The following UNC45A variants were observed in gnomAD, a reference collection of about 807,000 sequenced individuals.
UNC45A encodes protein unc-45 homolog A.
A neutral mutation model predicts 103.2 loss-of-function variants in UNC45A; 78 were observed. That is an observed-to-expected ratio of 0.76 (90% CI 0.63 to 0.91). The LOEUF is 0.91. Among genes scored for constraint, UNC45A ranks in the 40% least tolerant of loss-of-function variants. The probability of loss-of-function intolerance (pLI) is 0.00; values close to 1 mark genes in which losing one functional copy is unlikely to be tolerated. For synonymous variants in UNC45A, 495 were observed against 504.6 expected (o/e 0.98, Z 0.25); for missense variants, 1,193 against 1,224.8 (o/e 0.97, Z 0.39).
rs143009288 is a variant in UNC45A at position 90,936,323 on chromosome 15, C to T, written c.289C>T (p.Arg97Trp). The T allele has an allele frequency of 2.0e-5, 32 of 1,614,022 alleles. No individual in the cohort carries two copies. Among genetic ancestry groups the T allele is most frequent in the African/African-American group, 9.3e-5 (7 of 75,036 alleles). Residue 97 changes from arginine to tryptophan, a missense_variant, in exon 4 of 20, where the codon CGG (arginine) becomes TGG (tryptophan). Transcript: ENST00000418476. ...TGGTGGGGATGTCAAAGCACTCTAC[C>T]GGCGGAGCCAAGCCCTAGAGAAGCT... is the stretch of plus-strand genomic sequence containing the variant. ...KDGGDVKALY[R>W]RSQALEKLGR...
chr15:90,935,129 C>G (rs1352992652), upstream of UNC45A: 11 of 614,990 alleles, frequency 1.8e-5, no homozygotes, highest in Non-Finnish European at 2.0e-5. Context: ...TAGGTGCGCC[C>G]GGAGCTTGCC....
chr15:90,932,140 G>C (rs2035820739), upstream of UNC45A: 1 of 1,568,200 alleles, frequency 6.4e-7, no homozygotes. Context: ...CAGGAAGTCA[G>C]GTCGGAGGTA....
At chr15:90,932,897 G>A (rs77369465), upstream of UNC45A, 934 of 228,312 alleles carry the variant, frequency 4.1e-3, 15 homozygotes, top group African/African-American at 0.02. Flanking sequence ...GACTATGGGA[G>A]CGGGAAGAAA....
intron 17 of UNC45A, among the ~76,000 whole-genome samples, chr15:90,950,899 G>A (rs2151375590): frequency 6.6e-6 from 1 of 152,330 alleles, no homozygotes; most frequent in Middle Eastern, 3.4e-3. Flanking sequence ...GATGATTATA[G>A]TACCTACCTC....
upstream of UNC45A, chr15:90,930,526 G>A (rs1293062127): frequency 2.0e-5 from 3 of 152,376 alleles, no homozygotes; most frequent in Non-Finnish European, 2.9e-5. Context: ...CACTGCGCCC[G>A]GCTAATTTTT....
intron 14 of UNC45A, 53 bp downstream of exon 14, chr15:90,949,496 T>G (rs901884725): frequency 2.1e-5 from 33 of 1,607,322 alleles, no homozygotes; most frequent in Non-Finnish European, 2.6e-5. Context: ...GCCTCAGGGC[T>G]GCAGATGTGG....
In UNC45A at chr15:90,936,202, CCTTTCCTCGAGAT is replaced by C. The variant is rs1169852177; in HGVS notation, c.251-76_251-64del. 24 of 1,541,210 alleles carry C rather than the reference CCTTTCCTCGAGAT, an allele frequency of 1.6e-5. No individual in the cohort carries two copies. The Middle Eastern group carries it at 7.0e-4, about 45-fold the overall frequency. On this transcript the variant is annotated intron_variant, in intron 3 of 19. Transcript: ENST00000418476. ...ATTCGTCCCCCCCACCTTCTTCTGG[CCTTTCCTCGAGAT>C]CTTTCCCTACTGCTCTTGCCTGGAG...
chr15:90,933,797 T>A (rs1013130925), upstream of UNC45A: 15 of 368,704 alleles, frequency 4.1e-5, no homozygotes, highest in Non-Finnish European at 9.6e-6. Context: ...TGTCCTCTAG[T>A]CCTTTGAGCC....
intron 7 of UNC45A, 32 bp from the exon 8 acceptor site, chr15:90,942,880 G>A: frequency 1.3e-6 from 2 of 1,578,742 alleles, no homozygotes; most frequent in Non-Finnish European, 1.7e-6. Context: ...GGGCTGCTGT[G>A]GAGCCCACTG....
rs113080417 is a variant in UNC45A at position 90,946,846 on chromosome 15, G to C, written c.1432G>C (p.Gly478Arg). 278 of 1,614,016 alleles carry C rather than the reference G, an allele frequency of 1.7e-4. 1 individual carries two copies. Among genetic ancestry groups the C allele is most frequent in the Admixed American group, 8.5e-4 (51 of 60,010 alleles). The change falls in exon 10 of 20, where the codon GGT becomes CGT. Residue 478 changes from glycine (G) to arginine (R), a missense_variant. Physicochemically the swap from Gly to Arg is moderately radical, Grantham distance 125 (BLOSUM62 -2). Coordinates refer to ENST00000418476, the MANE Select transcript of UNC45A (RefSeq NM_018671.5). ...GCGGGCCTCATTCATCACTGCCAAT[G>C]GTGTCTCGCTGCTGAAGGACCTATA... ...AKRASFITAN[G>R]VSLLKDLYKC...
chr15:90,932,200 G>A, upstream of UNC45A: 1 of 1,377,438 alleles, frequency 7.3e-7, no homozygotes, highest in Non-Finnish European at 9.8e-7. Context: ...GTGGCCCCTT[G>A]TGGACTCTGA....
intron 4 of UNC45A, among the ~76,000 whole-genome samples, chr15:90,939,207 C>G (rs1415035752): frequency 6.6e-6 from 1 of 152,200 alleles, no homozygotes; most frequent in Non-Finnish European, 1.5e-5. Flanking sequence ...TCTTGAACTC[C>G]TGACCTCAGG....
At chr15:90,934,272 T>G, upstream of UNC45A, 1 of 399,126 alleles carries the variant, frequency 2.5e-6, no homozygotes, top group East Asian at 3.6e-5. Flanking sequence ...TACTCTCCAG[T>G]AGGGGTGGAG....
At chr15:90,951,484 C>G (rs1055984653) in intron 17 of UNC45A, among the ~76,000 whole-genome samples, 1 of 152,020 alleles carries the variant, frequency 6.6e-6, no homozygotes, top group African/African-American at 2.4e-5. Context: ...CAAATGAGGC[C>G]GGGCGTGGTG....
intron 5 of UNC45A, 69 bp from the exon 6 acceptor site, chr15:90,940,237 C>G: frequency 4.6e-6 from 7 of 1,522,018 alleles, no homozygotes; most frequent in Non-Finnish European, 5.3e-6. Context: ...GCTCGGGGCC[C>G]CTGCTCACCA....
At position 90,939,769 on chromosome 15, in the gene UNC45A, G is replaced by C. The variant is rs763881079; in HGVS notation, c.465G>C (p.Gln155His). The C allele has an allele frequency of 6.2e-7, 1 of 1,614,210 alleles. No homozygotes were observed. Among genetic ancestry groups the C allele is most frequent in the South Asian group, 1.1e-5 (1 of 91,086 alleles). Reference sequence around the variant, plus strand: ...CCTCGACGGATGCCAAAGTGGAACAGATGTTTCAGATACTGTTGGACCCAG... The same window carrying C: ...CCTCGACGGATGCCAAAGTGGAACACATGTTTCAGATACTGTTGGACCCAG... ...YMSSTDAKVE[Q>H]MFQILLDPEE... The change falls in exon 5 of 20, where the codon CAG becomes CAC. Residue 155 changes from glutamine to histidine, a missense_variant. Gln to His is a conservative substitution (Grantham distance 24). Coordinates refer to ENST00000418476, the MANE Select transcript of UNC45A (RefSeq NM_018671.5).
chr15:90,935,904 G>C, intron 2 of UNC45A, 42 bp from the exon 3 acceptor site: 1 of 1,613,672 alleles, frequency 6.2e-7, no homozygotes, highest in Non-Finnish European at 8.5e-7. Flanking sequence ...TGCCCCGAGA[G>C]GGAGATGACC....
chr15:90,944,704 C>T (rs1405526546), intron 8 of UNC45A, among the ~76,000 whole-genome samples, 188 bp from the exon 9 acceptor site: 2 of 152,234 alleles, frequency 1.3e-5, no homozygotes, highest in Non-Finnish European at 1.5e-5. Flanking sequence ...AGGTCCTTCC[C>T]GATCCTACAG....
chr15:90,937,489 T>A (rs2036078360), intron 4 of UNC45A, among the ~76,000 whole-genome samples: 1 of 149,958 alleles, frequency 6.7e-6, no homozygotes. Context: ...GGAAAATAAT[T>A]GTTTTTTTTT....
Sources: gnomAD v4.1 joint callset for allele counts (sites outside exome capture counted in the v4.1 genomes callset) on GRCh38, gnomAD v4.1.1 for gene constraint, MANE v1.5 for transcripts, NCBI Gene and HGNC (gene_info 2026-07-23, HGNC 2026-07-21) for gene names.